CA10: variants seen among roughly 807,000 people sequenced by gnomAD.
CA10 encodes carbonic anhydrase-related protein 10.
A neutral mutation model predicts 44.2 loss-of-function variants in CA10; 14 were observed. The observed-to-expected ratio is 0.32, with a 90% CI of 0.21 to 0.50. The LOEUF (loss-of-function observed/expected upper bound fraction) is 0.50, where lower values mean the gene tolerates loss of function less well. CA10 is among the 20% of genes least tolerant of loss of function. CA10 has a pLI of 0.99. For synonymous variants in CA10, 159 were observed against 141.6 expected, an observed-to-expected ratio of 1.12 and a Z score of -0.87; for missense variants, 350 against 409.7, an observed-to-expected ratio of 0.85 and a Z score of 1.26.
intron 4 of CA10, among the ~76,000 whole-genome samples, chr17:51,657,834 G>A (rs756914933): frequency 2.0e-5 from 3 of 152,150 alleles, no homozygotes; most frequent in African/African-American, 7.2e-5. Context: ...GGGACAATGA[G>A]AGCAAACTCT....
chr17:51,862,312 GA>G (rs1979347152), intron 3 of CA10, among the ~76,000 whole-genome samples: 2 of 152,132 alleles, frequency 1.3e-5, no homozygotes, highest in South Asian at 4.1e-4. Context: ...TTTGCACTGA[GA>G]TTCTCAGGAT....
At chr17:52,019,651 A>T (rs2144150685) in intron 2 of CA10, among the ~76,000 whole-genome samples, 1 of 152,222 alleles carries the variant, frequency 6.6e-6, no homozygotes, top group South Asian at 2.1e-4. Flanking sequence ...TACAAAGTAA[A>T]TACATCTATG....
chr17:52,045,209 G>C lies in CA10; in HGVS notation c.136+27110C>G, dbSNP rs117477788. 4.6e-3 allele frequency among the ~76,000 whole-genome samples: 695 copies of C among 150,620 alleles called. 6 individuals are homozygous for C. The highest frequency in any genetic ancestry group is 0.01 in the Middle Eastern group (3 of 292). On this transcript the variant is annotated intron_variant, in intron 2 of 8. Transcript: ENST00000451037. Reference sequence around the variant, plus strand: ...CAACCTACTTAGATTTTATTATCTAGTAAAAACACATTTTATAAATAAAGG... The same window carrying C: ...CAACCTACTTAGATTTTATTATCTACTAAAAACACATTTTATAAATAAAGG...
chr17:51,840,240 T>A (rs1024417856), intron 3 of CA10, among the ~76,000 whole-genome samples: 1 of 152,172 alleles, frequency 6.6e-6, no homozygotes, highest in African/African-American at 2.4e-5. Flanking sequence ...GAGAGCACAC[T>A]GCTAGCAAGG....
At chr17:52,098,966 T>C (rs1317805404) in intron 1 of CA10, among the ~76,000 whole-genome samples, 2 of 152,194 alleles carry the variant, frequency 1.3e-5, no homozygotes, top group Admixed American at 1.3e-4. Context: ...ATTTATATTC[T>C]GCTGGGGTCA....
intron 3 of CA10, among the ~76,000 whole-genome samples, chr17:51,850,601 C>A (rs879373167): frequency 6.6e-6 from 1 of 152,182 alleles, no homozygotes; most frequent in East Asian, 1.9e-4. Context: ...CTCCATTTCA[C>A]GGATGGGAGG....
intron 2 of CA10, among the ~76,000 whole-genome samples, chr17:51,933,098 G>T (rs1380926846): frequency 6.6e-6 from 1 of 152,168 alleles, no homozygotes; most frequent in Non-Finnish European, 1.5e-5. Flanking sequence ...CCCTTGGTAA[G>T]TCATGTGTCC....
intron 4 of CA10, among the ~76,000 whole-genome samples, chr17:51,701,238 C>T (rs1915591745): frequency 6.6e-6 from 1 of 152,174 alleles, no homozygotes; most frequent in Non-Finnish European, 1.5e-5. Flanking sequence ...GGCACCATCA[C>T]TCCGGCCTCT....
chr17:52,033,653 C>G (rs1032697320), intron 2 of CA10, among the ~76,000 whole-genome samples: 1 of 151,980 alleles, frequency 6.6e-6, no homozygotes, highest in South Asian at 2.1e-4. Context: ...AGAAAACAAG[C>G]TACAGAAAGA....
chr17:51,849,231 GTGTA>G (rs1371472655), intron 3 of CA10, among the ~76,000 whole-genome samples: 15,276 of 55,876 alleles, frequency 0.27, 2,349 homozygotes, highest in African/African-American at 0.44. Flanking sequence ...ATATATGTGT[GTGTA>G]TATATATATA....
intron 1 of CA10, among the ~76,000 whole-genome samples, chr17:52,113,062 T>C (rs1988819267): frequency 1.3e-5 from 2 of 152,204 alleles, no homozygotes; most frequent in South Asian, 2.1e-4. Flanking sequence ...GCAAAACAAC[T>C]GGTTTGTTTT....
At chr17:51,729,944 C>A (rs1444270828) in intron 4 of CA10, among the ~76,000 whole-genome samples, 1 of 152,168 alleles carries the variant, frequency 6.6e-6, no homozygotes, top group Non-Finnish European at 1.5e-5. Flanking sequence ...TAAGTTAGTA[C>A]CACAATAATT....
intron 3 of CA10, among the ~76,000 whole-genome samples, chr17:51,928,012 C>A (rs1025900313): frequency 5.9e-5 from 9 of 152,034 alleles, no homozygotes; most frequent in Non-Finnish European, 1.3e-4. Context: ...GCCTTAAGGG[C>A]GTGCCATTTG....
chr17:52,106,512 CTA>C (rs1988665769), intron 1 of CA10, among the ~76,000 whole-genome samples: 1 of 152,098 alleles, frequency 6.6e-6, no homozygotes, highest in Non-Finnish European at 1.5e-5. Flanking sequence ...TATGAAAATG[CTA>C]TAAGTGCTAC....
At chr17:51,909,525 T>C (rs988649790) in intron 3 of CA10, among the ~76,000 whole-genome samples, 94 of 152,230 alleles carry the variant, frequency 6.2e-4, no homozygotes, top group African/African-American at 2.2e-3. Context: ...ATGGCAAGTA[T>C]TAGAAATAAA....
chr17:51,891,169 C>T (rs1445273600), intron 3 of CA10, among the ~76,000 whole-genome samples: 3 of 152,104 alleles, frequency 2.0e-5, no homozygotes, highest in African/African-American at 7.2e-5. Context: ...ACCACGGAGA[C>T]ACTAAGGATC....
intron 2 of CA10, among the ~76,000 whole-genome samples, chr17:52,000,523 C>T (rs1379272013): frequency 2.0e-5 from 3 of 152,152 alleles, no homozygotes; most frequent in South Asian, 2.1e-4. Context: ...CTTTGACTTT[C>T]GCTAGCTCTC....
intron 4 of CA10, among the ~76,000 whole-genome samples, chr17:51,665,852 T>C (rs570466446): frequency 6.6e-6 from 1 of 152,362 alleles, no homozygotes; most frequent in African/African-American, 2.4e-5. Flanking sequence ...GTATGTAGAA[T>C]TGAAACCAAA....
intron 1 of CA10, among the ~76,000 whole-genome samples, chr17:52,129,772 A>T (rs1223261239): frequency 6.6e-6 from 1 of 152,206 alleles, no homozygotes; most frequent in African/African-American, 2.4e-5. Flanking sequence ...ATATAGTTCA[A>T]CTACTTAACA....
Sources: gnomAD v4.1 joint callset for allele counts (sites outside exome capture counted in the v4.1 genomes callset) on GRCh38, gnomAD v4.1.1 for gene constraint, MANE v1.5 for transcripts, NCBI Gene and HGNC (gene_info 2026-07-23, HGNC 2026-07-21) for gene names.